Variants in SLC7A1 observed in about 807,000 individuals in gnomAD.
SLC7A1 encodes the protein high affinity cationic amino acid transporter 1.
Under a neutral mutation model 53.9 loss-of-function variants are expected in SLC7A1, and 10 were observed. The observed-to-expected ratio is 0.19, with a 90% CI of 0.11 to 0.31. The LOEUF (loss-of-function observed/expected upper bound fraction) is 0.31. Among genes scored for constraint, SLC7A1 ranks in the 10% least tolerant of loss-of-function variants. The probability of loss-of-function intolerance (pLI) is 1.00; values close to 1 mark genes in which losing one functional copy is unlikely to be tolerated. For synonymous variants in SLC7A1, 342 were observed against 338.7 expected (o/e 1.01, Z -0.11); for missense variants, 525 against 827.2 (o/e 0.63, Z 4.48).
chr13:29,516,113 A>T (rs778748541), intron 12 of SLC7A1, 25 bp downstream of exon 12: 3 of 1,463,644 alleles, frequency 2.0e-6, no homozygotes, highest in South Asian at 2.3e-5. Context: ...AGGATCTTGG[A>T]CGTGCTGGCA....
chr13:29,562,756 C>T (rs558892233), intron 1 of SLC7A1, among the ~76,000 whole-genome samples: 1 of 152,296 alleles, frequency 6.6e-6, no homozygotes, highest in African/African-American at 2.4e-5. Context: ...AAAATGTAAA[C>T]GCAAAAGCTG....
intron 2 of SLC7A1, among the ~76,000 whole-genome samples, chr13:29,549,413 T>C (rs928666416): frequency 6.6e-6 from 1 of 152,088 alleles, no homozygotes; most frequent in African/African-American, 2.4e-5. Context: ...CCATATTTTA[T>C]CATCTGTCAC....
intron 8 of SLC7A1, 39 bp downstream of exon 8, chr13:29,522,278 G>A (rs373412241): frequency 1.0e-4 from 164 of 1,611,344 alleles, no homozygotes; most frequent in Admixed American, 1.0e-3. Flanking sequence ...TGACTCCATT[G>A]TTAAAACATT....
intron 2 of SLC7A1, among the ~76,000 whole-genome samples, chr13:29,542,020 C>G (rs1275493036): frequency 6.6e-6 from 1 of 152,138 alleles, no homozygotes; most frequent in African/African-American, 2.4e-5. Flanking sequence ...TCAAAATTCT[C>G]TTTAAAAATT....
At chr13:29,515,515 G>A (rs1443538491) in intron 12 of SLC7A1, among the ~76,000 whole-genome samples, 1 of 152,226 alleles carries the variant, frequency 6.6e-6, no homozygotes, top group Non-Finnish European at 1.5e-5. Context: ...CTGCGAGGCT[G>A]TAGGGACATG....
At chr13:29,557,491 G>A (rs1276179967) in intron 1 of SLC7A1, among the ~76,000 whole-genome samples, 3 of 152,046 alleles carry the variant, frequency 2.0e-5, no homozygotes, top group Admixed American at 1.3e-4. Context: ...GCATGTTACT[G>A]TACTGAATAC....
In SLC7A1 at chr13:29,595,439, G is replaced by C. The variant is rs1471645110; in HGVS notation, c.-138C>G. ...ACCAAGCCGGCGGCGGCGGGGCTCC[G>C]GCAGGATCGCGAACAGACAGACTGT... On this transcript the variant is annotated 5_prime_UTR_variant, in exon 1 of 13. Coordinates refer to ENST00000380752, the MANE Select transcript of SLC7A1 (RefSeq NM_003045.5). 6.6e-6 allele frequency: 1 copy of C among 151,888 alleles called. No homozygotes were observed. Among genetic ancestry groups the C allele is most frequent in the East Asian group, 2.0e-4 (1 of 5,110 alleles). 9.4% of individuals were successfully genotyped at this position (151,888 alleles called of 1,614,324 possible). A position where few individuals can be genotyped will look rare whatever the true frequency, so the allele number is the denominator to read the frequency against.
At chr13:29,530,023 G>A (rs905864158) in intron 5 of SLC7A1, among the ~76,000 whole-genome samples, 3 of 152,128 alleles carry the variant, frequency 2.0e-5, no homozygotes, top group Non-Finnish European at 2.9e-5. Context: ...GTCAAATGTC[G>A]GCGAAAGACT....
At chr13:29,543,856 G>T (rs1367089491) in intron 2 of SLC7A1, among the ~76,000 whole-genome samples, 1 of 152,034 alleles carries the variant, frequency 6.6e-6, no homozygotes, top group East Asian at 1.9e-4. Flanking sequence ...GGGAGAGGCG[G>T]GGACATGCGG....
rs1449516822 is a variant in SLC7A1 at position 29,530,728 on chromosome 13, G to T, written c.530-16C>A. ...GTTAAAAGTCCTGAAAAAGTGCATAGACACAAAACTTTGTCTGAGTGTTAA... is the reference window on the plus strand; with the variant it reads ...GTTAAAAGTCCTGAAAAAGTGCATATACACAAAACTTTGTCTGAGTGTTAA... On this transcript the variant is annotated splice_polypyrimidine_tract_variant and intron_variant, in intron 4 of 12. Transcript: ENST00000380752. 2 of 1,610,422 alleles carry T rather than the reference G, an allele frequency of 1.2e-6. No individual in the cohort carries two copies. The highest frequency in any genetic ancestry group is 1.7e-6 in the Non-Finnish European group (2 of 1,177,130).
intron 1 of SLC7A1, among the ~76,000 whole-genome samples, chr13:29,576,886 G>A (rs1284789831): frequency 6.6e-6 from 1 of 152,206 alleles, no homozygotes; most frequent in African/African-American, 2.4e-5. Context: ...GTCAGCACCA[G>A]AGACCAGGCT....
intron 1 of SLC7A1, among the ~76,000 whole-genome samples, chr13:29,591,900 G>A (rs772706308): frequency 6.6e-6 from 1 of 152,218 alleles, no homozygotes; most frequent in Non-Finnish European, 1.5e-5. Flanking sequence ...GATCTCAAGA[G>A]AGAAATGTAA....
intron 12 of SLC7A1, among the ~76,000 whole-genome samples, chr13:29,515,750 C>T (rs527476797): frequency 8.4e-4 from 128 of 152,344 alleles, no homozygotes; most frequent in African/African-American, 2.5e-3. Context: ...ACAGAGAAGA[C>T]GCAATCACAG....
intron 9 of SLC7A1, among the ~76,000 whole-genome samples, chr13:29,518,669 C>T (rs529237168): frequency 3.3e-5 from 5 of 152,114 alleles, no homozygotes; most frequent in African/African-American, 7.2e-5. Context: ...AGGCTCAGCC[C>T]GGGTTTTATG....
chr13:29,514,150 G>C lies in SLC7A1; in HGVS notation c.*330C>G, dbSNP rs1883482359. On this transcript the variant is annotated 3_prime_UTR_variant, in exon 13 of 13. Transcript: ENST00000380752. The stretch of plus-strand genomic sequence containing the variant: ...CTGGTTCCCAAGATAAGGAGAGAAG[G>C]TGACCTCCGTTCTGCCTGAGGCTGC... 4 of 313,120 alleles carry C rather than the reference G, an allele frequency of 1.3e-5. No individual in the cohort carries two copies. Among genetic ancestry groups the C allele is most frequent in the African/African-American group, 2.1e-5 (1 of 47,254 alleles). The allele number at this position is 313,120 out of a possible 1,614,324, so 19.4% of individuals were successfully genotyped here.
At chr13:29,555,357 CAAAAAAAAAA>C (rs538934310) in intron 1 of SLC7A1, among the ~76,000 whole-genome samples, 2 of 18,778 alleles carry the variant, frequency 1.1e-4, no homozygotes, top group African/African-American at 1.4e-4. Context: ...GACTCCGTCT[CAAAAAAAAAA>C]AAAAAAAAAA....
At chr13:29,516,304 G>A in intron 11 of SLC7A1, 58 bp from the exon 12 acceptor site, 1 of 1,105,750 alleles carries the variant, frequency 9.0e-7, no homozygotes, top group Non-Finnish European at 1.4e-6. Flanking sequence ...CAATAGTTCA[G>A]TAAAACTGTC....
chr13:29,539,337 A>G (rs1232638271), intron 2 of SLC7A1, among the ~76,000 whole-genome samples: 2 of 152,206 alleles, frequency 1.3e-5, no homozygotes, highest in Admixed American at 6.5e-5. Flanking sequence ...GGCTGCTCGC[A>G]TAAGAGGACA....
chr13:29,520,653 C>T (rs915001250), intron 8 of SLC7A1, among the ~76,000 whole-genome samples: 1 of 152,174 alleles, frequency 6.6e-6, no homozygotes, highest in Non-Finnish European at 1.5e-5. Flanking sequence ...TTTCAAAACA[C>T]ATGCAATCAA....
Sources: gnomAD v4.1 joint callset for allele counts (sites outside exome capture counted in the v4.1 genomes callset) on GRCh38, gnomAD v4.1.1 for gene constraint, MANE v1.5 for transcripts, NCBI Gene and HGNC (gene_info 2026-07-23, HGNC 2026-07-21) for gene names.